ARHGEF4: variants seen among roughly 807,000 people sequenced by gnomAD.
ARHGEF4 encodes the protein Rho guanine nucleotide exchange factor 4, also known as APC-stimulated guanine nucleotide exchange factor 1.
A neutral mutation model predicts 162.0 loss-of-function variants in ARHGEF4; 119 were observed. The ratio of observed to expected loss-of-function variants is 0.73; its 90% CI spans 0.63 to 0.86. The LOEUF (loss-of-function observed/expected upper bound fraction) is 0.86, where lower values mean the gene tolerates loss of function less well. Ranked by LOEUF, ARHGEF4 falls within the 40% of genes least tolerant of loss-of-function variation. ARHGEF4 has a pLI of 0.00. For synonymous variants in ARHGEF4, 1,014 were observed against 979.9 expected (o/e 1.03, Z -0.65); for missense variants, 2,488 against 2,456.0 (o/e 1.01, Z -0.28).
chr2:131,006,710 C>T (rs1274040865), intron 4 of ARHGEF4, among the ~76,000 whole-genome samples: 1 of 152,168 alleles, frequency 6.6e-6, no homozygotes, highest in African/African-American at 2.4e-5. Flanking sequence ...CTTGCCTGGA[C>T]TGGGGAGTGG....
At chr2:130,882,710 C>T (rs983521828) in intron 1 of ARHGEF4, among the ~76,000 whole-genome samples, 8 of 151,936 alleles carry the variant, frequency 5.3e-5, no homozygotes, top group African/African-American at 1.2e-4. Context: ...CGAACACAGA[C>T]GCAGGGGACT....
At chr2:130,939,089 T>C (rs1683127851) in intron 3 of ARHGEF4, among the ~76,000 whole-genome samples, 1 of 152,118 alleles carries the variant, frequency 6.6e-6, no homozygotes, top group African/African-American at 2.4e-5. Context: ...CAGAATCTGT[T>C]GTTGTCTTCT....
At chr2:131,024,748 T>C (rs541504587) in intron 4 of ARHGEF4, among the ~76,000 whole-genome samples, 1 of 152,138 alleles carries the variant, frequency 6.6e-6, no homozygotes, top group Non-Finnish European at 1.5e-5. Flanking sequence ...TTATATTGTA[T>C]CTTAGATTTG....
chr2:131,032,252 CA>C (rs2105378290), intron 5 of ARHGEF4, among the ~76,000 whole-genome samples: 1 of 152,070 alleles, frequency 6.6e-6, no homozygotes, highest in African/African-American at 2.4e-5. Context: ...CAGATGTCCC[CA>C]GGGCAGGGTC....
rs558249279 is a variant in ARHGEF4 at position 130,907,288 on chromosome 2, C to T, written c.40-6698C>T. On this transcript the variant is annotated intron_variant, in intron 1 of 13. Transcript: ENST00000409359. ...GGAGTGCAGTGGCACGATCTGGGCT[C>T]ACTGCAAGCTCCGCCTCCTGGGTTC... 2.3e-3 allele frequency among the ~76,000 whole-genome samples: 326 copies of T among 140,844 alleles called. 2 individuals carry two copies. The highest frequency in any genetic ancestry group is 8.1e-3 in the African/African-American group (315 of 38,718). The allele number at this position is 140,844 out of a possible 152,430, so 92.4% of individuals were successfully genotyped here.
At chr2:130,912,900 T>TGA (rs369362157) in intron 1 of ARHGEF4, among the ~76,000 whole-genome samples, 5 of 152,154 alleles carry the variant, frequency 3.3e-5, no homozygotes, top group Non-Finnish European at 5.9e-5. Flanking sequence ...TAAGATATTT[T>TGA]GAGAGAGAGA....
intron 4 of ARHGEF4, among the ~76,000 whole-genome samples, chr2:130,977,047 G>C (rs910699600): frequency 6.7e-6 from 1 of 150,254 alleles, no homozygotes; most frequent in Non-Finnish European, 1.5e-5. Flanking sequence ...TGTGTGTGTT[G>C]GTGTGTGGTG....
chr2:130,947,423 G>A (rs1031920524), intron 4 of ARHGEF4, among the ~76,000 whole-genome samples: 1 of 151,996 alleles, frequency 6.6e-6, no homozygotes, highest in Non-Finnish European at 1.5e-5. Flanking sequence ...AATTCCTAGA[G>A]TCCCCCAGCT....
At chr2:130,983,561 T>C (rs904902917) in intron 4 of ARHGEF4, among the ~76,000 whole-genome samples, 1 of 152,232 alleles carries the variant, frequency 6.6e-6, no homozygotes, top group Non-Finnish European at 1.5e-5. Flanking sequence ...CTAGTAAAGA[T>C]TTACTTAAGT....
intron 4 of ARHGEF4, among the ~76,000 whole-genome samples, chr2:130,949,636 G>A (rs1200894668): frequency 6.6e-6 from 1 of 151,512 alleles, no homozygotes; most frequent in African/African-American, 2.4e-5. Flanking sequence ...TTACAGGCAT[G>A]AGCCACCATG....
chr2:130,992,614 A>G lies in ARHGEF4; in HGVS notation c.3986-35331A>G, dbSNP rs563566314. ...AGAAGGAACAAACTCCAGACGCGCC[A>G]CCTTAAGAGCTGTAACACTCACCGC... On this transcript the variant is annotated intron_variant, in intron 4 of 13. Coordinates refer to ENST00000409359, the MANE Select transcript of ARHGEF4 (RefSeq NM_001367493.1). Among the ~76,000 whole-genome samples the G allele has an allele frequency of 5.8e-3, 881 of 151,896 alleles. 9 individuals are homozygous for G. The highest frequency in any genetic ancestry group is 0.02 in the African/African-American group (831 of 41,396).
At chr2:130,959,507 G>T (rs1355673095) in intron 4 of ARHGEF4, among the ~76,000 whole-genome samples, 2 of 152,108 alleles carry the variant, frequency 1.3e-5, no homozygotes, top group Non-Finnish European at 2.9e-5. Context: ...TGGTAAAATG[G>T]GGCTAAAATA....
chr2:130,958,153 G>T (rs1353139740), intron 4 of ARHGEF4, among the ~76,000 whole-genome samples: 1 of 152,116 alleles, frequency 6.6e-6, no homozygotes, highest in Non-Finnish European at 1.5e-5. Context: ...GCAACAGGTG[G>T]CTGGGGGCAG....
Position 130,864,085 on chromosome 2 carries a change from C to T in ARHGEF4, c.39+27093C>T, listed in dbSNP as rs1349850499. On this transcript the variant is annotated intron_variant, in intron 1 of 13. Transcript: ENST00000409359. ...CCTGTAGTCCCAGCTACTCGGGAGG[C>T]CGAGGCAGAAGAATGGTGTGAACCC... 3.3e-5 allele frequency among the ~76,000 whole-genome samples: 5 copies of T among 151,612 alleles called. No individual in the cohort carries two copies. The East Asian group carries it at 5.9e-4, about 18-fold the overall frequency.
chr2:130,910,013 T>G (rs964305377), intron 1 of ARHGEF4, among the ~76,000 whole-genome samples: 7 of 152,002 alleles, frequency 4.6e-5, no homozygotes, highest in Non-Finnish European at 1.0e-4. Context: ...GAAACACTCA[T>G]GAGCCACACG....
Position 130,914,440 on chromosome 2 carries a change from C to T in ARHGEF4, c.494C>T (p.Ala165Val), listed in dbSNP as rs1200842326. 4.9e-6 allele frequency: 7 copies of T among 1,435,590 alleles called. No individual in the cohort carries two copies. The highest frequency in any genetic ancestry group is 1.4e-5 in the African/African-American group (1 of 69,672). The allele number at this position is 1,435,590 out of a possible 1,614,324, so 88.9% of individuals were successfully genotyped here. A position where few individuals can be genotyped will look rare whatever the true frequency, so the allele number is the denominator to read the frequency against. ...GAGGCAGGACACCTCTGGGACTGCG[C>T]GACCAGCCTGGAGCGAGAGTCTTTG... ...EQEAGHLWDCATSLERESLLA... is the reference protein window; with the variant it reads ...EQEAGHLWDCVTSLERESLLA... The change falls in exon 2 of 14, where the codon GCG becomes GTG. Residue 165 changes from alanine (A) to valine (V), a missense_variant. By Grantham distance (64) the Ala-to-Val change is moderately conservative (BLOSUM62 0). This residue lies in a region of ARHGEF4 where 81 missense variants were observed against 125.8 expected (regional missense o/e 0.64). Coordinates refer to ENST00000409359, the MANE Select transcript of ARHGEF4 (RefSeq NM_001367493.1).
intron 4 of ARHGEF4, among the ~76,000 whole-genome samples, chr2:131,023,073 T>A (rs13000487): frequency 0.89 from 92,066 of 103,858 alleles, 40,725 homozygotes; most frequent in Non-Finnish European, 0.97. Context: ...AAACCCTGTC[T>A]CAAAAAAAAA....
At chr2:131,015,451 G>T (rs1203091969) in intron 4 of ARHGEF4, among the ~76,000 whole-genome samples, 1 of 152,230 alleles carries the variant, frequency 6.6e-6, no homozygotes, top group Non-Finnish European at 1.5e-5. Flanking sequence ...TACTCCGTTC[G>T]CATGACAAAT....
Position 130,916,001 on chromosome 2 carries a change from C to T in ARHGEF4, c.2055C>T (p.Ala685=). The T allele has an allele frequency of 6.4e-7, 1 of 1,550,488 alleles. No individual in the cohort carries two copies. Among genetic ancestry groups the T allele is most frequent in the South Asian group, 1.2e-5 (1 of 84,054 alleles). ...CESPTRGKTP[A]GNECELPAAP... Reference sequence around the variant, plus strand: ...CTCCCACTAGGGGGAAAACACCAGCCGGTAATGAGTGTGAGTTGCCAGCAG... The same window carrying T: ...CTCCCACTAGGGGGAAAACACCAGCTGGTAATGAGTGTGAGTTGCCAGCAG... Residue 685 remains alanine (A), a synonymous_variant, in exon 2 of 14, where the codon GCC becomes GCT. Coordinates refer to ENST00000409359, the MANE Select transcript of ARHGEF4 (RefSeq NM_001367493.1).
Sources: allele counts gnomAD v4.1 joint callset (sites outside exome capture counted in the v4.1 genomes callset), GRCh38; gene constraint gnomAD v4.1.1; regional missense constraint gnomAD v4.1.1; transcripts MANE v1.5; gene names NCBI Gene and HGNC (gene_info 2026-07-23, HGNC 2026-07-21).